HACD4: variants seen among roughly 807,000 people sequenced by gnomAD.
HACD4 encodes the protein very-long-chain (3R)-3-hydroxyacyl-CoA dehydratase 4.
In HACD4, 35 loss-of-function variants were observed where a neutral mutation model predicts 33.3. The ratio of observed to expected loss-of-function variants is 1.05; its 90% CI spans 0.80 to 1.39. The LOEUF is 1.39. Among genes scored for constraint, HACD4 ranks in the 40% most tolerant of loss-of-function variants. HACD4 has a pLI of 0.00. For synonymous variants in HACD4, 118 were observed against 98.0 expected (o/e 1.20, Z -1.21); for missense variants, 323 against 276.5 (o/e 1.17, Z -1.19).
At chr9:21,021,079 C>T (rs975935031) in intron 3 of HACD4, among the ~76,000 whole-genome samples, 3 of 152,126 alleles carry the variant, frequency 2.0e-5, no homozygotes, top group Non-Finnish European at 4.4e-5. Flanking sequence ...TCAACATACT[C>T]AGATCAATAA....
chr9:21,027,820 T>C (rs1818101848), intron 2 of HACD4, among the ~76,000 whole-genome samples: 2 of 152,144 alleles, frequency 1.3e-5, no homozygotes, highest in South Asian at 2.1e-4. Flanking sequence ...ACAATTGTAA[T>C]GGCAGGATAA....
At position 21,003,675 on chromosome 9, in the gene HACD4, C is replaced by A. The variant is rs1321605647; in HGVS notation, c.*3362G>T. 1 of 151,880 alleles carries A rather than the reference C, an allele frequency of 6.6e-6. No individual in the cohort carries two copies. Among genetic ancestry groups the A allele is most frequent in the Non-Finnish European group, 1.5e-5 (1 of 67,976 alleles). 9.4% of individuals were successfully genotyped at this position (151,880 alleles called of 1,614,324 possible). On this transcript the variant is annotated 3_prime_UTR_variant, in exon 7 of 7. Coordinates refer to ENST00000495827, the MANE Select transcript of HACD4 (RefSeq NM_001010915.5). ...TCTTACATCACAATATATTTAATACCTTTTTACATAGTTTCTAGGTAAGAT... is the reference window on the plus strand; with the variant it reads ...TCTTACATCACAATATATTTAATACATTTTTACATAGTTTCTAGGTAAGAT...
chr9:21,013,598 T>C (rs1286373519), intron 4 of HACD4, among the ~76,000 whole-genome samples: 1 of 152,248 alleles, frequency 6.6e-6, no homozygotes, highest in African/African-American at 2.4e-5. Flanking sequence ...TTGGGGAATA[T>C]TGCCATCTGA....
chr9:21,026,567 T>A, intron 3 of HACD4, 29 bp downstream of exon 3: 1 of 1,563,792 alleles, frequency 6.4e-7, no homozygotes, highest in Non-Finnish European at 8.7e-7. Context: ...ATGAAACAGA[T>A]TCTATAATAA....
At chr9:21,023,229 G>T (rs541457198) in intron 3 of HACD4, among the ~76,000 whole-genome samples, 1 of 121,968 alleles carries the variant, frequency 8.2e-6, no homozygotes, top group Non-Finnish European at 1.7e-5. Context: ...GGGGTGGGGG[G>T]AGGGGGGAGG....
chr9:21,030,874 T>C (rs1818196274), intron 1 of HACD4, among the ~76,000 whole-genome samples: 1 of 152,198 alleles, frequency 6.6e-6, no homozygotes, highest in Admixed American at 6.5e-5. Flanking sequence ...AAGCACTGTT[T>C]GAAATGTTCC....
chr9:21,005,162 A>G lies in HACD4; in HGVS notation c.*1875T>C, dbSNP rs1257410477. 2 of 152,214 alleles carry G rather than the reference A, an allele frequency of 1.3e-5. No homozygotes were observed. Among genetic ancestry groups the G allele is most frequent in the Non-Finnish European group, 2.9e-5 (2 of 68,034 alleles). 9.4% of individuals were successfully genotyped at this position (152,214 alleles called of 1,614,324 possible). A position where few individuals can be genotyped will look rare whatever the true frequency, so the allele number is the denominator to read the frequency against. Reference sequence around the variant, plus strand: ...GTGTTCATGTTCTAGTGTTTTGTGGAAAGTAAAATTGTGAGCCATGAAATT... The same window carrying G: ...GTGTTCATGTTCTAGTGTTTTGTGGGAAGTAAAATTGTGAGCCATGAAATT... On this transcript the variant is annotated 3_prime_UTR_variant, in exon 7 of 7. Transcript: ENST00000495827. The surrounding 1 kb of genome is among the most constrained non-coding windows in gnomAD (Gnocchi z 4.0).
intron 4 of HACD4, among the ~76,000 whole-genome samples, chr9:21,014,421 G>C (rs1227031779): frequency 2.0e-5 from 3 of 152,160 alleles, no homozygotes; most frequent in Non-Finnish European, 4.4e-5. Flanking sequence ...CAACACAGAG[G>C]AACCTTGAAA....
In HACD4 at chr9:21,031,607, G is replaced by A. The variant is rs1173095882; in HGVS notation, c.-17C>T. ...GGGCCCCATGGGCCGCCGCCGCCAG[G>A]GCTTCCAGCGCGGTCCAGGAAGGAG... On this transcript the variant is annotated 5_prime_UTR_variant, in exon 1 of 7. Coordinates refer to ENST00000495827, the MANE Select transcript of HACD4 (RefSeq NM_001010915.5). 3.5e-6 allele frequency: 5 copies of A among 1,419,040 alleles called. No individual in the cohort carries two copies. In the East Asian group the frequency reaches 1.2e-4, roughly 34 times the overall value. The allele number at this position is 1,419,040 out of a possible 1,614,324, so 87.9% of individuals were successfully genotyped here.
intron 3 of HACD4, among the ~76,000 whole-genome samples, chr9:21,021,625 C>G (rs926893980): frequency 2.3e-4 from 35 of 152,218 alleles, no homozygotes; most frequent in African/African-American, 8.4e-4. Flanking sequence ...AACTCCCATT[C>G]ACAATTGCTT....
rs1461249958 is a variant in HACD4 at position 21,004,381 on chromosome 9, C to T, written c.*2656G>A. 1 of 152,154 alleles carries T rather than the reference C, an allele frequency of 6.6e-6. No homozygotes were observed. Among genetic ancestry groups the T allele is most frequent in the Non-Finnish European group, 1.5e-5 (1 of 68,044 alleles). The allele number at this position is 152,154 out of a possible 1,614,324, so 9.4% of individuals were successfully genotyped here. A position where few individuals can be genotyped will look rare whatever the true frequency, so the allele number is the denominator to read the frequency against. ...CAAATACATGACATTAATGAATACT[C>T]TATCAGAGCACTAGGGACTGAATGC... On this transcript the variant is annotated 3_prime_UTR_variant, in exon 7 of 7. Transcript: ENST00000495827. The surrounding 1 kb of genome is among the most constrained non-coding windows in gnomAD (Gnocchi z 4.6).
chr9:21,008,177 T>C, intron 5 of HACD4, 31 bp from the exon 6 acceptor site: 1 of 1,585,732 alleles, frequency 6.3e-7, no homozygotes, highest in Non-Finnish European at 8.6e-7. Context: ...CATAAAGGTA[T>C]TCCTCCTTAA....
chr9:21,019,184 G>T (rs970990628), intron 3 of HACD4, among the ~76,000 whole-genome samples: 2 of 151,884 alleles, frequency 1.3e-5, no homozygotes, highest in African/African-American at 2.4e-5. Context: ...GGGTCCCAAG[G>T]GATATAGCTG....
chr9:21,029,314 T>A lies in HACD4; in HGVS notation c.123A>T (p.Arg41Ser). The A allele has an allele frequency of 6.3e-7, 1 of 1,582,858 alleles. No homozygotes were observed. The highest frequency in any genetic ancestry group is 8.6e-7 in the Non-Finnish European group (1 of 1,157,826). Residue 41 changes from arginine (R) to serine (S), a missense_variant, in exon 2 of 7, where the codon AGA (arginine) becomes AGT (serine). By Grantham distance (110) the Arg-to-Ser change is moderately radical. Transcript: ENST00000495827. Reference protein sequence around the residue: ...HSWIFTNMTVRFFSFGKDSMV... With the variant: ...HSWIFTNMTVSFFSFGKDSMV... ...TTTTACCTTTTCCAAATGAAAAGAA[T>A]CTGACTGTCATATTTGTAAATATCC...
At chr9:21,007,736 C>A (rs368892061) in intron 6 of HACD4, among the ~76,000 whole-genome samples, 13 of 152,116 alleles carry the variant, frequency 8.5e-5, no homozygotes, top group African/African-American at 3.1e-4. Context: ...TTTGTAGATA[C>A]CTGTGCACAT....
chr9:21,007,464 T>G (rs1270397247), intron 6 of HACD4, among the ~76,000 whole-genome samples: 6 of 152,158 alleles, frequency 3.9e-5, no homozygotes, highest in African/African-American at 1.4e-4. Flanking sequence ...TTTTGGAGAT[T>G]TGTGAAGGTT....
rs562212492 is a variant in HACD4 at position 21,006,861 on chromosome 9, A to G, written c.*176T>C. On this transcript the variant is annotated 3_prime_UTR_variant, in exon 7 of 7. Coordinates refer to ENST00000495827, the MANE Select transcript of HACD4 (RefSeq NM_001010915.5). The surrounding 1 kb of genome is among the most constrained non-coding windows in gnomAD (Gnocchi z 4.6). ...GAGAATATATATGTCTTAAAAATAC[A>G]ATGTGTGAAAAACATAGCCTGTTAT... The G allele has an allele frequency of 2.2e-4, 136 of 616,034 alleles. 1 individual carries two copies. In the South Asian group the frequency reaches 2.3e-3, roughly 10 times the overall value. 38.2% of individuals were successfully genotyped at this position (616,034 alleles called of 1,614,324 possible).
chr9:21,007,353 A>G (rs930291994), intron 6 of HACD4, among the ~76,000 whole-genome samples: 1 of 152,146 alleles, frequency 6.6e-6, no homozygotes, highest in African/African-American at 2.4e-5. Context: ...TTTCTTTAGC[A>G]TAGCTCTCTC....
intron 3 of HACD4, among the ~76,000 whole-genome samples, chr9:21,019,368 G>C (rs1817844201): frequency 6.6e-6 from 1 of 152,052 alleles, no homozygotes; most frequent in Non-Finnish European, 1.5e-5. Flanking sequence ...AATTATACCA[G>C]AGATAATAAT....
Sources: allele counts gnomAD v4.1 joint callset (sites outside exome capture counted in the v4.1 genomes callset), GRCh38; gene constraint gnomAD v4.1.1; non-coding constraint Gnocchi (gnomAD v3.1); transcripts MANE v1.5; gene names NCBI Gene and HGNC (gene_info 2026-07-23, HGNC 2026-07-21).